CDNF: variants seen among roughly 807,000 people sequenced by gnomAD.
CDNF encodes the protein ARMET-like protein 1.
In CDNF, 9 loss-of-function variants were observed where a neutral mutation model predicts 14.8. The ratio of observed to expected loss-of-function variants is 0.61; its 90% CI spans 0.37 to 1.06. The LOEUF (loss-of-function observed/expected upper bound fraction) is 1.06. Ranked by LOEUF, CDNF falls within the 50% of genes least tolerant of loss-of-function variation. CDNF has a pLI of 0.01. For missense variants in CDNF, 228 were observed against 228.4 expected, an observed-to-expected ratio of 1.00 and a Z score of 0.01; for synonymous variants, 86 against 87.2, an observed-to-expected ratio of 0.99 and a Z score of 0.07.
At chr10:14,826,194 C>CAGA (rs372563801) in intron 2 of CDNF, among the ~76,000 whole-genome samples, 1,716 of 113,318 alleles carry the variant, frequency 0.015, 27 homozygotes, top group South Asian at 0.033. Flanking sequence ...GCAGAAGCAG[C>CAGA]AGAAGAAGAA....
intron 1 of CDNF, among the ~76,000 whole-genome samples, chr10:14,830,756 G>A (rs1833837843): frequency 6.6e-6 from 1 of 152,114 alleles, no homozygotes; most frequent in East Asian, 1.9e-4. Context: ...TGAGGCAGGA[G>A]AAATGCTTGA....
chr10:14,826,089 A>AAGC (rs1833783357), intron 2 of CDNF, among the ~76,000 whole-genome samples: 1 of 125,412 alleles, frequency 8.0e-6, no homozygotes, highest in Non-Finnish European at 1.7e-5. Context: ...GAAGAAGAAG[A>AAGC]AGAAGAAGCA....
intron 1 of CDNF, 127 bp downstream of exon 1, chr10:14,837,705 G>C (rs1218334512): frequency 1.6e-6 from 1 of 606,820 alleles, no homozygotes; most frequent in Non-Finnish European, 2.9e-6. Flanking sequence ...GATCTAAAAC[G>C]AGGGACAGGG....
intron 1 of CDNF, among the ~76,000 whole-genome samples, chr10:14,837,225 C>G (rs1347475580): frequency 6.6e-6 from 1 of 152,180 alleles, no homozygotes; most frequent in Non-Finnish European, 1.5e-5. Context: ...AGTCTCAGAG[C>G]TAGGGGACTT....
At position 14,826,942 on chromosome 10, in the gene CDNF, A is replaced by G. The variant is rs181116686; in HGVS notation, c.243+1203T>C. On this transcript the variant is annotated intron_variant, in intron 2 of 3. Coordinates refer to ENST00000465530, the MANE Select transcript of CDNF (RefSeq NM_001029954.3). ...TTAAAAATATAAACGTTGGCTGGGC[A>G]CAGTGGCTCACACCTGTAATCCCAG... Among the ~76,000 whole-genome samples the G allele has an allele frequency of 6.6e-5, 10 of 151,414 alleles. No homozygotes were observed. The East Asian group carries it at 1.9e-3, about 29-fold the overall frequency.
At chr10:14,833,005 G>A (rs574933611) in intron 1 of CDNF, among the ~76,000 whole-genome samples, 9 of 151,736 alleles carry the variant, frequency 5.9e-5, no homozygotes, top group East Asian at 3.9e-4. Context: ...GATTACAGGC[G>A]CATGTCACCA....
In CDNF at chr10:14,825,709, AAGAGGTAGGCTGGAC is replaced by A. The variant is rs1375399787; in HGVS notation, c.244-104_244-90del. On this transcript the variant is annotated intron_variant, in intron 2 of 3. Transcript: ENST00000465530. ...ATGAAGGAATACAGTATCAAGAAGA[AAGAGGTAGGCTGGAC>A]ATGGTGGCTCACGCCTGTAATCCCA... 3 of 1,411,620 alleles carry A rather than the reference AAGAGGTAGGCTGGAC, an allele frequency of 2.1e-6. No individual in the cohort carries two copies. The African/African-American group carries it at 4.2e-5, about 20-fold the overall frequency. The allele number at this position is 1,411,620 out of a possible 1,614,324, so 87.4% of individuals were successfully genotyped here.
At position 14,828,259 on chromosome 10, in the gene CDNF, G is replaced by A; in HGVS notation, c.129C>T (p.Phe43=). The A allele has an allele frequency of 6.2e-7, 1 of 1,613,780 alleles. No individual in the cohort carries two copies. The change falls in exon 2 of 4, where the codon TTC becomes TTT. Residue 43 remains phenylalanine (F), a synonymous_variant. Coordinates refer to ENST00000465530, the MANE Select transcript of CDNF (RefSeq NM_001029954.3). The part of the protein sequence containing the change: ...PGADCEVCKE[F]LNRFYKSLID... ...TCAGTGACTTGTAGAATCGGTTCAA[G>A]AATTCTTTACATACTGGAAGGAACA...
At chr10:14,821,076 A>G (rs1833734273) in intron 3 of CDNF, among the ~76,000 whole-genome samples, 1 of 151,906 alleles carries the variant, frequency 6.6e-6, no homozygotes, top group Non-Finnish European at 1.5e-5. Context: ...TGGAGCTGTG[A>G]GCCAATTAAA....
chr10:14,832,939 A>C lies in CDNF; in HGVS notation c.116-4667T>G, dbSNP rs955257415. Among the ~76,000 whole-genome samples, 4 of 142,970 alleles carry C rather than the reference A, an allele frequency of 2.8e-5. No homozygotes were observed. In the South Asian group the frequency reaches 8.7e-4, roughly 31 times the overall value. The allele number at this position is 142,970 out of a possible 152,430, so 93.8% of individuals were successfully genotyped here. A position where few individuals can be genotyped will look rare whatever the true frequency, so the allele number is the denominator to read the frequency against. The stretch of plus-strand genomic sequence containing the variant: ...CAGCGGTGCCATTTCGGCTCACTGC[A>C]ACCTCCAACTCCTGGATTGAAGTGA... On this transcript the variant is annotated intron_variant, in intron 1 of 3. Transcript: ENST00000465530.
At chr10:14,837,410 T>C (rs1454410758) in intron 1 of CDNF, among the ~76,000 whole-genome samples, 1 of 152,222 alleles carries the variant, frequency 6.6e-6, no homozygotes, top group Non-Finnish European at 1.5e-5. Flanking sequence ...TGATTTAAGC[T>C]ACTCAACTCA....
At chr10:14,823,693 AATTTTTGT>A (rs1283245502) in intron 3 of CDNF, among the ~76,000 whole-genome samples, 4 of 152,136 alleles carry the variant, frequency 2.6e-5, no homozygotes, top group Non-Finnish European at 5.9e-5. Context: ...ACACCTGGCT[AATTTTTGT>A]ATTTTTGTAG....
chr10:14,832,639 C>A (rs76104584), intron 1 of CDNF, among the ~76,000 whole-genome samples: 1 of 152,148 alleles, frequency 6.6e-6, no homozygotes, highest in Non-Finnish European at 1.5e-5. Flanking sequence ...GAAGTGGTTA[C>A]ACTCTGGACC....
intron 1 of CDNF, among the ~76,000 whole-genome samples, chr10:14,834,972 C>T (rs1227409597): frequency 6.6e-6 from 1 of 151,998 alleles, no homozygotes; most frequent in Non-Finnish European, 1.5e-5. Flanking sequence ...GTAGACTCAA[C>T]GATGTAGTGA....
intron 1 of CDNF, among the ~76,000 whole-genome samples, chr10:14,834,637 C>T (rs1833871817): frequency 1.3e-5 from 2 of 152,114 alleles, no homozygotes; most frequent in African/African-American, 2.4e-5. Context: ...ACAAACTGAG[C>T]GCCTACCATA....
intron 1 of CDNF, among the ~76,000 whole-genome samples, chr10:14,829,305 C>A (rs754293289): frequency 1.3e-5 from 2 of 152,146 alleles, no homozygotes; most frequent in African/African-American, 4.8e-5. Flanking sequence ...TTATTTCCAT[C>A]GTTATGAGCC....
intron 1 of CDNF, among the ~76,000 whole-genome samples, chr10:14,835,265 A>C (rs914981212): frequency 2.0e-5 from 3 of 152,204 alleles, no homozygotes; most frequent in African/African-American, 7.2e-5. Context: ...TGGGTTGCCA[A>C]GAAGAGTGTG....
chr10:14,826,660 A>G (rs1040448705), intron 2 of CDNF, among the ~76,000 whole-genome samples: 1 of 152,240 alleles, frequency 6.6e-6, no homozygotes, highest in Non-Finnish European at 1.5e-5. Flanking sequence ...TAATGAGAAG[A>G]GCTGACACTA....
intron 1 of CDNF, chr10:14,836,140 AT>A (rs1225579293): frequency 6.6e-6 from 1 of 152,222 alleles, no homozygotes; most frequent in Non-Finnish European, 1.5e-5. Context: ...TGGCATTTTA[AT>A]CTTATACATT....
Sources: gnomAD v4.1 joint callset for allele counts (sites outside exome capture counted in the v4.1 genomes callset) on GRCh38, gnomAD v4.1.1 for gene constraint, MANE v1.5 for transcripts, NCBI Gene and HGNC (gene_info 2026-07-23, HGNC 2026-07-21) for gene names.